The following DPP10 variants were observed in gnomAD, a reference collection of about 807,000 sequenced individuals.
DPP10 encodes the protein inactive dipeptidyl peptidase 10.
DPP10 carries 33 observed loss-of-function variants against 120.9 expected under a neutral mutation model. The observed-to-expected ratio is 0.27, with a 90% CI of 0.21 to 0.37. The LOEUF (loss-of-function observed/expected upper bound fraction) is 0.37. Ranked by LOEUF, DPP10 falls within the 10% of genes least tolerant of loss-of-function variation. DPP10 has a pLI of 1.00. For synonymous variants in DPP10, 337 were observed against 326.1 expected (o/e 1.03, Z -0.36); for missense variants, 816 against 942.8 (o/e 0.87, Z 1.76).
At chr2:115,276,172 A>G (rs2059914325) in intron 1 of DPP10, among the ~76,000 whole-genome samples, 1 of 152,138 alleles carries the variant, frequency 6.6e-6, no homozygotes. Context: ...AAAACACTCG[A>G]ATGGCAGGTT....
intron 1 of DPP10, among the ~76,000 whole-genome samples, chr2:114,826,311 G>A (rs887643006): frequency 6.6e-6 from 1 of 152,044 alleles, no homozygotes; most frequent in Non-Finnish European, 1.5e-5. Context: ...CTTTTAATCG[G>A]CTTGTGAAAT....
chr2:115,826,538 T>G lies in DPP10; in HGVS notation c.1951-9619T>G, dbSNP rs372411716. Among the ~76,000 whole-genome samples, 264 of 151,978 alleles carry G rather than the reference T, an allele frequency of 1.7e-3. 7 individuals carry two copies. The South Asian group carries it at 0.053, about 30-fold the overall frequency. ...GAGTTCGAGACCAGCCTGGCCAACGTGGTAAAACACCGTCTCTACTAAAAA... is the reference window on the plus strand; with the variant it reads ...GAGTTCGAGACCAGCCTGGCCAACGGGGTAAAACACCGTCTCTACTAAAAA... On this transcript the variant is annotated intron_variant, in intron 21 of 25. Coordinates refer to ENST00000410059, the MANE Select transcript of DPP10 (RefSeq NM_020868.6).
intron 5 of DPP10, among the ~76,000 whole-genome samples, chr2:115,576,908 A>C (rs2081702497): frequency 6.6e-6 from 1 of 152,208 alleles, no homozygotes; most frequent in Non-Finnish European, 1.5e-5. Context: ...CCTGAGTTGT[A>C]ATAAATTTAG....
At chr2:115,733,150 C>T (rs920864596) in intron 8 of DPP10, among the ~76,000 whole-genome samples, 1 of 152,120 alleles carries the variant, frequency 6.6e-6, no homozygotes, top group Non-Finnish European at 1.5e-5. Context: ...AAGCAATATT[C>T]TTATCAGCAG....
intron 1 of DPP10, among the ~76,000 whole-genome samples, chr2:114,595,019 T>TA (rs1043554038): frequency 7.9e-5 from 12 of 152,078 alleles, no homozygotes; most frequent in African/African-American, 2.7e-4. Flanking sequence ...TGCTTTCTTG[T>TA]AAAAAAACAT....
intron 2 of DPP10, among the ~76,000 whole-genome samples, chr2:115,331,395 C>T (rs2062721406): frequency 6.6e-6 from 1 of 152,122 alleles, no homozygotes; most frequent in Non-Finnish European, 1.5e-5. Flanking sequence ...TCCTCTTTTC[C>T]TAACTGAATA....
intron 12 of DPP10, among the ~76,000 whole-genome samples, chr2:115,767,089 C>G (rs1318198141): frequency 6.6e-6 from 1 of 152,118 alleles, no homozygotes; most frequent in Admixed American, 6.6e-5. Context: ...CTTTCCTGAT[C>G]TCGCTTTATA....
At position 115,004,393 on chromosome 2, in the gene DPP10, G is replaced by T. The variant is rs527928265; in HGVS notation, c.61-304846G>T. Among the ~76,000 whole-genome samples the T allele has an allele frequency of 5.9e-5, 9 of 152,322 alleles. 1 individual carries two copies. Among genetic ancestry groups the T allele is most frequent in the African/African-American group, 2.2e-4 (9 of 41,580 alleles). On this transcript the variant is annotated intron_variant, in intron 1 of 25. Transcript: ENST00000410059. ...AGATGGCCGAATAGGAACAGCTCCG[G>T]TCTACAGCTCCCAGCCTGAGCGACG...
chr2:115,626,132 G>A (rs924967548), intron 5 of DPP10, among the ~76,000 whole-genome samples: 30 of 151,508 alleles, frequency 2.0e-4, no homozygotes, highest in East Asian at 5.8e-4. Flanking sequence ...AATAAGAATC[G>A]GAATGTAAGT....
chr2:115,587,489 G>A (rs1353216058), intron 5 of DPP10, among the ~76,000 whole-genome samples: 1 of 152,050 alleles, frequency 6.6e-6, no homozygotes, highest in Non-Finnish European at 1.5e-5. Context: ...TTTTGTGTCA[G>A]GCTTATTTCA....
At chr2:114,636,117 A>G (rs1277176871) in intron 1 of DPP10, among the ~76,000 whole-genome samples, 2 of 151,958 alleles carry the variant, frequency 1.3e-5, no homozygotes, top group Non-Finnish European at 2.9e-5. Context: ...TTTATTAGTC[A>G]TTCTTTCAAT....
chr2:115,032,041 A>G (rs934864439), intron 1 of DPP10, among the ~76,000 whole-genome samples: 3 of 152,212 alleles, frequency 2.0e-5, no homozygotes, highest in Non-Finnish European at 4.4e-5. Flanking sequence ...GAATCAATAC[A>G]TGAGAAAAAA....
chr2:114,801,741 A>G (rs546031145), intron 1 of DPP10, among the ~76,000 whole-genome samples: 1 of 152,356 alleles, frequency 6.6e-6, no homozygotes, highest in East Asian at 1.9e-4. Flanking sequence ...GCCTATGATA[A>G]GAAAGAATTT....
At chr2:114,554,465 T>C (rs773090990) in intron 1 of DPP10, among the ~76,000 whole-genome samples, 3 of 152,216 alleles carry the variant, frequency 2.0e-5, no homozygotes, top group Non-Finnish European at 4.4e-5. Context: ...AGATGATGTA[T>C]GAAATTTCAG....
intron 1 of DPP10, among the ~76,000 whole-genome samples, chr2:114,587,054 T>C (rs1005012854): frequency 6.6e-6 from 1 of 152,102 alleles, no homozygotes; most frequent in Admixed American, 6.5e-5. Context: ...TCCCAGCACT[T>C]TGGGAGGCCG....
At chr2:115,257,255 C>T (rs563749631) in intron 1 of DPP10, among the ~76,000 whole-genome samples, 1 of 152,130 alleles carries the variant, frequency 6.6e-6, no homozygotes, top group Non-Finnish European at 1.5e-5. Context: ...TAGCAATACC[C>T]CACTCCTCAG....
chr2:115,225,261 A>G (rs1478231258), intron 1 of DPP10, among the ~76,000 whole-genome samples: 1 of 151,942 alleles, frequency 6.6e-6, no homozygotes. Flanking sequence ...AAGATTAGAG[A>G]TGGAGGGAAG....
intron 1 of DPP10, among the ~76,000 whole-genome samples, chr2:114,466,719 T>C (rs1408362380): frequency 6.6e-6 from 1 of 152,170 alleles, no homozygotes; most frequent in Non-Finnish European, 1.5e-5. Context: ...ATCCATAATA[T>C]AGAACGTAAG....
intron 1 of DPP10, among the ~76,000 whole-genome samples, chr2:114,580,604 C>T (rs1690418274): frequency 6.6e-6 from 1 of 152,056 alleles, no homozygotes; most frequent in African/African-American, 2.4e-5. Flanking sequence ...TTATCTTAAT[C>T]CTGGATTACT....
Sources: allele counts gnomAD v4.1 joint callset (sites outside exome capture counted in the v4.1 genomes callset), GRCh38; gene constraint gnomAD v4.1.1; transcripts MANE v1.5; gene names NCBI Gene and HGNC (gene_info 2026-07-23, HGNC 2026-07-21).